MLPH: variants seen among roughly 807,000 people sequenced by gnomAD.
The protein encoded by MLPH is melanophilin.
A neutral mutation model predicts 72.1 loss-of-function variants in MLPH; 51 were observed. That is an observed-to-expected ratio of 0.71 (90% confidence interval 0.56 to 0.89). The LOEUF (loss-of-function observed/expected upper bound fraction) is 0.89. Ranked by LOEUF, MLPH falls within the 40% of genes least tolerant of loss-of-function variation. The pLI, the probability that MLPH is intolerant of heterozygous loss-of-function variation, is 0.00. For missense variants in MLPH, 743 were observed against 759.9 expected (o/e 0.98, Z 0.26); for synonymous variants, 301 against 310.1 (o/e 0.97, Z 0.31).
At chr2:237,500,797 A>G (rs1209943261) in intron 2 of MLPH, among the ~76,000 whole-genome samples, 1 of 151,964 alleles carries the variant, frequency 6.6e-6, no homozygotes, top group Non-Finnish European at 1.5e-5. Flanking sequence ...ACACTCAGCC[A>G]GTCCCGTGGC....
Position 237,553,778 on chromosome 2 carries a change from C to T in MLPH, c.*186C>T, listed in dbSNP as rs2081084194. On this transcript the variant is annotated 3_prime_UTR_variant, in exon 16 of 16. Coordinates refer to ENST00000264605, the MANE Select transcript of MLPH (RefSeq NM_024101.7). ...GCGACATTCAGTCCTGCACTGCTCA[C>T]CTGGGTTTACTGATGACTCCTGGCT... is the stretch of plus-strand genomic sequence containing the variant. 1.2e-6 allele frequency: 1 copy of T among 833,500 alleles called. No individual in the cohort carries two copies. The allele number at this position is 833,500 out of a possible 1,614,324, so 51.6% of individuals were successfully genotyped here.
intron 6 of MLPH, 46 bp downstream of exon 6, chr2:237,520,075 A>G: frequency 6.2e-7 from 1 of 1,613,038 alleles, no homozygotes; most frequent in Non-Finnish European, 8.5e-7. Context: ...CAGGAACCTG[A>G]GTGGCAGGTG....
intron 13 of MLPH, among the ~76,000 whole-genome samples, chr2:237,547,623 T>G (rs1574914287): frequency 5.2e-5 from 3 of 57,208 alleles, no homozygotes. Context: ...TGGGAGGGAG[T>G]TGCTCCCCGT....
chr2:237,496,770 C>T lies in MLPH; in HGVS notation c.110+3234C>T, dbSNP rs189564622. On this transcript the variant is annotated intron_variant, in intron 2 of 15. Transcript: ENST00000264605. ...TTCCGATGGGAAGGGGCCGCATGAG[C>T]GTAGAGTACTGTGTTGAAAATGTCA... Among the ~76,000 whole-genome samples, 3 of 152,216 alleles carry T rather than the reference C, an allele frequency of 2.0e-5. No individual in the cohort carries two copies. The East Asian group carries it at 5.8e-4, about 29-fold the overall frequency.
rs116795722 is a variant in MLPH, at chr2:237,497,753, A to T, written c.110+4217A>T. ...TTCATCATTGCTAATCTGTGCGTTT[A>T]ACCAATTTCAACATGAACAGTCATC... is the stretch of plus-strand genomic sequence containing the variant. On this transcript the variant is annotated intron_variant, in intron 2 of 15. Transcript: ENST00000264605. 1.9e-3 allele frequency among the ~76,000 whole-genome samples: 285 copies of T among 152,356 alleles called. 2 individuals are homozygous for T. The highest frequency in any genetic ancestry group is 6.7e-3 in the African/African-American group (278 of 41,582).
rs112190666 is a variant in MLPH at position 237,519,088 on chromosome 2, T to G, written c.555+440T>G. On this transcript the variant is annotated intron_variant, in intron 5 of 15. Transcript: ENST00000264605. ...TCTGGGTTTTGTTTTGTTTTGTTTG[T>G]TTTTTTTTGCCAACCATGAGCCTTG... Among the ~76,000 whole-genome samples the G allele has an allele frequency of 5.1e-5, 7 of 137,484 alleles. No individual in the cohort carries two copies. The East Asian group carries it at 6.4e-4, about 13-fold the overall frequency. The allele number at this position is 137,484 out of a possible 152,430, so 90.2% of individuals were successfully genotyped here. A position where few individuals can be genotyped will look rare whatever the true frequency, so the allele number is the denominator to read the frequency against.
chr2:237,542,925 G>GGA (rs1412514560), intron 12 of MLPH, among the ~76,000 whole-genome samples: 1 of 42,878 alleles, frequency 2.3e-5, no homozygotes. Context: ...GGTGAGTGGG[G>GGA]ACAGTGGTGA....
At chr2:237,501,854 A>G (rs1252220113) in intron 2 of MLPH, among the ~76,000 whole-genome samples, 1 of 152,044 alleles carries the variant, frequency 6.6e-6, no homozygotes, top group Non-Finnish European at 1.5e-5. Context: ...AAATAATTAG[A>G]TCTAATTCCT....
intron 7 of MLPH, among the ~76,000 whole-genome samples, chr2:237,526,498 G>A (rs1034985851): frequency 6.6e-6 from 1 of 152,154 alleles, no homozygotes; most frequent in African/African-American, 2.4e-5. Context: ...GGCTTTGGGA[G>A]GAAGGCAGGG....
chr2:237,500,817 A>G (rs2079630728), intron 2 of MLPH, among the ~76,000 whole-genome samples: 1 of 151,764 alleles, frequency 6.6e-6, no homozygotes, highest in Non-Finnish European at 1.5e-5. Flanking sequence ...CTCAACCAAT[A>G]CAGCCACTGC....
At chr2:237,546,334 T>C (rs780442446) in intron 12 of MLPH, 2 of 484,458 alleles carry the variant, frequency 4.1e-6, no homozygotes, top group Non-Finnish European at 7.5e-6. Context: ...GACTTTTTCC[T>C]TTAGCTTGGT....
chr2:237,538,070 G>C (rs972676690), intron 9 of MLPH, among the ~76,000 whole-genome samples: 18 of 152,234 alleles, frequency 1.2e-4, no homozygotes, highest in African/African-American at 3.6e-4. Flanking sequence ...CCTGGGAAGA[G>C]TCGGGAGACA....
Position 237,542,653 on chromosome 2 carries a change from C to T in MLPH, c.1533C>T (p.Asn511=). Residue 511 remains asparagine (N), a synonymous_variant, in exon 12 of 16, where the codon AAC becomes AAT. Transcript: ENST00000264605. ...CGGGAAAGCCCCGGAGGAAGTCAAACCTCCCGGTGAGTGGGGGGCAGTGGT... is the reference window on the plus strand; with the variant it reads ...CGGGAAAGCCCCGGAGGAAGTCAAATCTCCCGGTGAGTGGGGGGCAGTGGT... ...KPSGKPRRKS[N]LPIFLPRVAG... is the part of the protein sequence containing the mutation. The T allele has an allele frequency of 2.5e-6, 4 of 1,575,132 alleles. No homozygotes were observed. The highest frequency in any genetic ancestry group is 3.4e-6 in the Non-Finnish European group (4 of 1,161,106).
At chr2:237,552,141 A>G in intron 14 of MLPH, 196 bp from the exon 15 acceptor site, 1 of 556,806 alleles carries the variant, frequency 1.8e-6, no homozygotes. Flanking sequence ...CAAAGGAGAA[A>G]GAAGTTGGCA....
At chr2:237,509,601 C>G (rs1311743567) in intron 2 of MLPH, among the ~76,000 whole-genome samples, 1 of 152,192 alleles carries the variant, frequency 6.6e-6, no homozygotes, top group Non-Finnish European at 1.5e-5. Flanking sequence ...ATGGCGGTAT[C>G]CCCCTAGATT....
At chr2:237,489,325 G>A (rs1230911040) in intron 1 of MLPH, among the ~76,000 whole-genome samples, 1 of 152,248 alleles carries the variant, frequency 6.6e-6, no homozygotes, top group Admixed American at 6.5e-5. Flanking sequence ...TTGGTGGGCA[G>A]GTGGCTGAGG....
rs2079875554 is a variant in MLPH, at chr2:237,510,749, C to A, written c.286C>A (p.His96Asn). The A allele has an allele frequency of 6.2e-7, 1 of 1,613,600 alleles. No homozygotes were observed. The highest frequency in any genetic ancestry group is 1.3e-5 in the African/African-American group (1 of 74,950). The stretch of plus-strand genomic sequence containing the variant: ...CACCTGCAAAAGCTGTGGCCGCGTC[C>A]ACCCGGAGGAGCAGGGCTGGATCTG... ...LFTCKSCGRV[H>N]PEEQGWICDP... is the part of the protein sequence containing the mutation. Residue 96 changes from histidine (H) to asparagine (N), a missense_variant, in exon 3 of 16, where the codon CAC (histidine) becomes AAC (asparagine). Transcript: ENST00000264605. This position sits in a 1 kb window ranked among gnomAD's most constrained non-coding sequence, Gnocchi z 4.4.
intron 12 of MLPH, among the ~76,000 whole-genome samples, chr2:237,543,115 T>C (rs867918183): frequency 1.1e-4 from 2 of 18,886 alleles, no homozygotes; most frequent in African/African-American, 3.4e-4. Flanking sequence ...TGAGTGGGGG[T>C]ACAGTGGTGA....
intron 11 of MLPH, 127 bp from the exon 12 acceptor site, chr2:237,542,440 T>C: frequency 4.0e-6 from 3 of 757,330 alleles, no homozygotes; most frequent in Non-Finnish European, 7.0e-6. Flanking sequence ...ATGCCAATCT[T>C]AAGGGAAAAC....
Sources: gnomAD v4.1 joint callset for allele counts (sites outside exome capture counted in the v4.1 genomes callset) on GRCh38, gnomAD v4.1.1 for gene constraint, Gnocchi (gnomAD v3.1) non-coding constraint, MANE v1.5 for transcripts, NCBI Gene and HGNC (gene_info 2026-07-23, HGNC 2026-07-21) for gene names.